Variants in SLC18A1 observed in about 807,000 individuals in gnomAD.
SLC18A1 encodes the protein solute carrier family 18 member A1, also known as chromaffin granule amine transporter.
A neutral mutation model predicts 53.7 loss-of-function variants in SLC18A1; 69 were observed. That is an observed-to-expected ratio of 1.28 (90% confidence interval 1.06 to 1.57). The LOEUF (loss-of-function observed/expected upper bound fraction) is 1.57. Among genes scored for constraint, SLC18A1 ranks in the 40% most tolerant of loss-of-function variants. SLC18A1 has a pLI of 0.00. For missense variants in SLC18A1, 932 were observed against 668.1 expected, an observed-to-expected ratio of 1.40 and a Z score of -4.35; for synonymous variants, 320 against 248.1, an observed-to-expected ratio of 1.29 and a Z score of -2.72.
intron 11 of SLC18A1, 114 bp downstream of exon 11, chr8:20,150,552 G>A: frequency 1.1e-6 from 1 of 912,296 alleles, no homozygotes; most frequent in Non-Finnish European, 1.8e-6. Context: ...TTATCGGTGT[G>A]TACTCATCCT....
At chr8:20,174,230 A>G (rs2072198773) in intron 5 of SLC18A1, 131 bp downstream of exon 5, 1 of 738,802 alleles carries the variant, frequency 1.4e-6, no homozygotes, top group African/African-American at 1.7e-5. Context: ...CTTATTTCTG[A>G]ATCACAATTT....
intron 10 of SLC18A1, among the ~76,000 whole-genome samples, chr8:20,158,606 T>G (rs1017395208): frequency 2.0e-5 from 3 of 152,120 alleles, no homozygotes; most frequent in Non-Finnish European, 4.4e-5. Context: ...AAAAGATTGT[T>G]AAGGACCTAA....
At chr8:20,156,712 A>C (rs1476840578) in intron 10 of SLC18A1, among the ~76,000 whole-genome samples, 1 of 152,220 alleles carries the variant, frequency 6.6e-6, no homozygotes, top group Non-Finnish European at 1.5e-5. Context: ...TTCTTACCCA[A>C]AAGGACTTAA....
chr8:20,179,259 G>T lies in SLC18A1; in HGVS notation c.350C>A (p.Ala117Asp). 2 of 1,614,164 alleles carry T rather than the reference G, an allele frequency of 1.2e-6. No homozygotes were observed. The highest frequency in any genetic ancestry group is 1.7e-6 in the Non-Finnish European group (2 of 1,180,038). ...ASTIPPPATE[A>D]ISAHKNNCLQ... is the part of the protein sequence containing the mutation. ...GCAGTTGTTTTTATGAGCTGAGATG[G>T]CTTCAGTGGCTGGAGGTGGGATGGT... The change falls in exon 3 of 16, where the codon GCC becomes GAC. Residue 117 changes from alanine to aspartate, a missense_variant. Coordinates refer to ENST00000276373, the MANE Select transcript of SLC18A1 (RefSeq NM_003053.4).
chr8:20,179,147 G>T lies in SLC18A1; in HGVS notation c.462C>A (p.Asn154Lys), dbSNP rs750050550. The change falls in exon 3 of 16, where the codon AAC becomes AAA. Residue 154 changes from asparagine to lysine, a missense_variant. By Grantham distance (94) the Asn-to-Lys change is moderately conservative. Coordinates refer to ENST00000276373, the MANE Select transcript of SLC18A1 (RefSeq NM_003053.4). ...TGTTGGTGAGAGGGCCCACGAATGG[G>T]TTGACCAGAAGTTGCATCACAGCCT... ...ASKAVMQLLV[N>K]PFVGPLTNRI... 6 of 1,613,358 alleles carry T rather than the reference G, an allele frequency of 3.7e-6. No homozygotes were observed. The African/African-American group carries it at 8.0e-5, about 22-fold the overall frequency.
intron 1 of SLC18A1, among the ~76,000 whole-genome samples, 160 bp downstream of exon 1, chr8:20,182,903 G>C (rs142460249): frequency 6.6e-6 from 1 of 152,314 alleles, no homozygotes; most frequent in African/African-American, 2.4e-5. Context: ...GTACTACAAA[G>C]AGAGAGAAAC....
chr8:20,181,872 T>C (rs892724940), intron 1 of SLC18A1: 5 of 152,248 alleles, frequency 3.3e-5, no homozygotes, highest in African/African-American at 4.8e-5. Flanking sequence ...TCCTCTACCA[T>C]GTTCCCTTGC....
At chr8:20,153,797 T>C (rs780912244) in intron 10 of SLC18A1, among the ~76,000 whole-genome samples, 1 of 152,146 alleles carries the variant, frequency 6.6e-6, no homozygotes, top group African/African-American at 2.4e-5. Context: ...GAAGGGAATA[T>C]GTAAGATGAG....
intron 8 of SLC18A1, among the ~76,000 whole-genome samples, chr8:20,170,488 T>G (rs2072084996): frequency 6.6e-6 from 1 of 152,144 alleles, no homozygotes. Flanking sequence ...ATCAAACATT[T>G]TTACACTTGA....
Position 20,173,129 on chromosome 8 carries a change from C to G in SLC18A1, c.632-1G>C. 1 of 1,566,174 alleles carries G rather than the reference C, an allele frequency of 6.4e-7. No individual in the cohort carries two copies. Among genetic ancestry groups the G allele is most frequent in the Non-Finnish European group, 8.7e-7 (1 of 1,155,796 alleles). On this transcript the variant is annotated splice_acceptor_variant, in intron 5 of 15. Coordinates refer to ENST00000276373, the MANE Select transcript of SLC18A1 (RefSeq NM_003053.4). LOFTEE classifies it high-confidence loss of function. ...TAGACACTGGCCAGCATTCCAAGAC[C>G]TGCGCAGAGAGTTACAGATGCAGCT...
chr8:20,179,556 A>G, intron 2 of SLC18A1, 72 bp from the exon 3 acceptor site: 2 of 1,525,764 alleles, frequency 1.3e-6, no homozygotes. Context: ...TCAAGGGGCT[A>G]AGGACAGATG....
In SLC18A1 at chr8:20,178,323, C is replaced by T. The variant is rs988507066; in HGVS notation, c.547+112G>A. On this transcript the variant is annotated intron_variant, in intron 4 of 15. Transcript: ENST00000276373. The stretch of plus-strand genomic sequence containing the variant: ...GCATTTAAACCAATATTCCAGTCTG[C>T]TTAGTCAGATGCCTAATTACATTCT... 33 of 790,678 alleles carry T rather than the reference C, an allele frequency of 4.2e-5. No individual in the cohort carries two copies. The East Asian group carries it at 5.0e-4, about 12-fold the overall frequency. The allele number at this position is 790,678 out of a possible 1,614,324, so 49.0% of individuals were successfully genotyped here.
At position 20,168,725 on chromosome 8, in the gene SLC18A1, G is replaced by A. The variant is rs536907112; in HGVS notation, c.858+2378C>T. Among the ~76,000 whole-genome samples, 110 of 152,150 alleles carry A rather than the reference G, an allele frequency of 7.2e-4. 3 individuals carry two copies. In the South Asian group the frequency reaches 0.021, roughly 30 times the overall value. On this transcript the variant is annotated intron_variant, in intron 8 of 15. Coordinates refer to ENST00000276373, the MANE Select transcript of SLC18A1 (RefSeq NM_003053.4). ...CTGGGATTACGGTGTGCACCACCAT[G>A]CCCAGCTAATTTTTTTGTACTTTTA...
chr8:20,176,906 A>G (rs1046106986), intron 4 of SLC18A1, among the ~76,000 whole-genome samples: 2 of 152,214 alleles, frequency 1.3e-5, no homozygotes, highest in East Asian at 3.8e-4. Flanking sequence ...TCTCAGATCC[A>G]CTAGCACACC....
intron 8 of SLC18A1, among the ~76,000 whole-genome samples, chr8:20,167,779 C>A (rs1263789096): frequency 6.6e-6 from 1 of 151,952 alleles, no homozygotes; most frequent in Non-Finnish European, 1.5e-5. Context: ...CACCGCCACG[C>A]CTGGCTCATT....
intron 10 of SLC18A1, among the ~76,000 whole-genome samples, chr8:20,159,648 AAAAAAAAAAAAAAAAG>A (rs1471641483): frequency 4.2e-4 from 28 of 67,386 alleles, no homozygotes; most frequent in South Asian, 4.7e-4. Flanking sequence ...AAAAAAAAAA[AAAAAAAAAAAAAAAAG>A]AAAGAAAAAG....
Position 20,178,734 on chromosome 8 carries a change from T to C in SLC18A1, c.489-241A>G, listed in dbSNP as rs1585228108. Among the ~76,000 whole-genome samples, 3 of 152,280 alleles carry C rather than the reference T, an allele frequency of 2.0e-5. No homozygotes were observed. In the South Asian group the frequency reaches 6.2e-4, roughly 32 times the overall value. ...TCATTTCCAGAAATGATAGCCTAGG[T>C]GGAGTGTATATCTCTTGAAAATATC... On this transcript the variant is annotated intron_variant, in intron 3 of 15. Coordinates refer to ENST00000276373, the MANE Select transcript of SLC18A1 (RefSeq NM_003053.4).
chr8:20,149,851 C>T, intron 11 of SLC18A1, 124 bp from the exon 12 acceptor site: 1 of 814,160 alleles, frequency 1.2e-6, no homozygotes, highest in Non-Finnish European at 2.1e-6. Flanking sequence ...GACCTGAGGA[C>T]AGCATCCCTA....
rs2071558014 is a variant in SLC18A1 at position 20,151,656 on chromosome 8, T to A, written c.1016-912A>T. Among the ~76,000 whole-genome samples the A allele has an allele frequency of 2.6e-5, 4 of 152,200 alleles. No individual in the cohort carries two copies. The South Asian group carries it at 8.3e-4, about 32-fold the overall frequency. The stretch of plus-strand genomic sequence containing the variant: ...TTGAAGTCCTGAACACATGGCTTTT[T>A]GTGACAGTAGAGGGAAGTGTTCAGG... On this transcript the variant is annotated intron_variant, in intron 10 of 15. Transcript: ENST00000276373.
Sources: allele counts gnomAD v4.1 joint callset (sites outside exome capture counted in the v4.1 genomes callset), GRCh38; gene constraint gnomAD v4.1.1; transcripts MANE v1.5; gene names NCBI Gene and HGNC (gene_info 2026-07-23, HGNC 2026-07-21).